The following TNR variants were observed in gnomAD, a reference collection of about 807,000 sequenced individuals.
TNR encodes tenascin-R.
Under a neutral mutation model 150.4 loss-of-function variants are expected in TNR, and 45 were observed. The observed-to-expected ratio is 0.30, with a 90% CI of 0.24 to 0.38. TNR has a LOEUF of 0.38. TNR is among the 10% of genes least tolerant of loss of function. The probability of loss-of-function intolerance (pLI) is 1.00; values close to 1 mark genes in which losing one functional copy is unlikely to be tolerated. For synonymous variants in TNR, 687 were observed against 678.4 expected (o/e 1.01, Z -0.20); for missense variants, 1,544 against 1,759.1 (o/e 0.88, Z 2.19).
intron 1 of TNR, among the ~76,000 whole-genome samples, chr1:175,728,482 C>T (rs531402330): frequency 6.6e-6 from 1 of 152,300 alleles, no homozygotes; most frequent in African/African-American, 2.4e-5. Flanking sequence ...GAGATGGTTT[C>T]CTAGCAGGCA....
intron 2 of TNR, among the ~76,000 whole-genome samples, chr1:175,442,083 G>C (rs889278012): frequency 6.6e-6 from 1 of 152,186 alleles, no homozygotes; most frequent in Non-Finnish European, 1.5e-5. Context: ...CTGCAGAGGG[G>C]CTCCCTGTTT....
At chr1:175,450,082 C>G (rs1014789324) in intron 2 of TNR, among the ~76,000 whole-genome samples, 1 of 152,206 alleles carries the variant, frequency 6.6e-6, no homozygotes, top group South Asian at 2.1e-4. Flanking sequence ...GCCTGCCACT[C>G]AAACTACTCT....
intron 2 of TNR, among the ~76,000 whole-genome samples, chr1:175,481,967 G>T (rs528535936): frequency 3.5e-4 from 54 of 152,284 alleles, no homozygotes; most frequent in Non-Finnish European, 5.4e-4. Context: ...TGCCTCTTCT[G>T]TGAAGCCCAC....
At chr1:175,697,730 C>G (rs1666574229) in intron 1 of TNR, among the ~76,000 whole-genome samples, 1 of 152,230 alleles carries the variant, frequency 6.6e-6, no homozygotes, top group African/African-American at 2.4e-5. Flanking sequence ...TGGGAGGGCA[C>G]AGGGGGACTT....
intron 1 of TNR, among the ~76,000 whole-genome samples, chr1:175,709,792 C>T (rs891789145): frequency 6.6e-6 from 1 of 152,002 alleles, no homozygotes; most frequent in Admixed American, 6.6e-5. Context: ...GAGCACCCTA[C>T]TGCTTCATTC....
chr1:175,374,338 C>T (rs1245624746), intron 9 of TNR, among the ~76,000 whole-genome samples: 1 of 152,140 alleles, frequency 6.6e-6, no homozygotes, highest in Non-Finnish European at 1.5e-5. Flanking sequence ...ATGATCAGGA[C>T]GTACTTGCAG....
At chr1:175,421,370 T>C (rs1175275070) in intron 2 of TNR, among the ~76,000 whole-genome samples, 2 of 152,208 alleles carry the variant, frequency 1.3e-5, no homozygotes, top group Admixed American at 1.3e-4. Context: ...TCAAACAGGA[T>C]TGCTGCAGGG....
chr1:175,437,271 A>G (rs1426265858), intron 2 of TNR, among the ~76,000 whole-genome samples: 1 of 152,252 alleles, frequency 6.6e-6, no homozygotes, highest in Non-Finnish European at 1.5e-5. Flanking sequence ...CTGCTCCTGA[A>G]TGACTACTGG....
chr1:175,700,021 G>C (rs1034665474), intron 1 of TNR, among the ~76,000 whole-genome samples: 30 of 151,954 alleles, frequency 2.0e-4, no homozygotes, highest in African/African-American at 7.0e-4. Context: ...ATCTATGTGA[G>C]AGGGAATGGG....
chr1:175,407,658 G>T (rs529675771), intron 2 of TNR, among the ~76,000 whole-genome samples: 3 of 152,322 alleles, frequency 2.0e-5, no homozygotes, highest in Admixed American at 2.0e-4. Flanking sequence ...AAGTGAGTGT[G>T]ACTATTCGTC....
intron 18 of TNR, among the ~76,000 whole-genome samples, chr1:175,342,102 T>C (rs1650550362): frequency 6.6e-6 from 1 of 152,158 alleles, no homozygotes; most frequent in African/African-American, 2.4e-5. Flanking sequence ...AAGATGGGAA[T>C]ATAAAGAAGG....
intron 1 of TNR, among the ~76,000 whole-genome samples, chr1:175,591,765 A>G (rs1404832106): frequency 6.6e-6 from 1 of 152,208 alleles, no homozygotes; most frequent in Admixed American, 6.5e-5. Context: ...AACTGGGTTC[A>G]TGGTAGAATT....
intron 2 of TNR, among the ~76,000 whole-genome samples, chr1:175,496,470 A>G (rs544197873): frequency 1.3e-5 from 2 of 152,332 alleles, no homozygotes; most frequent in African/African-American, 4.8e-5. Context: ...TGCCATATGC[A>G]GAAGCATCTC....
chr1:175,558,272 T>TAA (rs367651145), intron 1 of TNR, among the ~76,000 whole-genome samples: 155 of 148,808 alleles, frequency 1.0e-3, no homozygotes, highest in Admixed American at 2.3e-3. Context: ...TAAAGTATAA[T>TAA]AATAAAAAAA....
Position 175,402,888 on chromosome 1 carries a change from T to A in TNR, c.976+252A>T, listed in dbSNP as rs548460891. On this transcript the variant is annotated intron_variant, in intron 4 of 22. Coordinates refer to ENST00000367674, the MANE Select transcript of TNR (RefSeq NM_003285.3). ...ATTGTTACCACTACCTTTTTCCTAGTCTCAGGGGTAACAATCCAGCTCTCA... is the reference window on the plus strand; with the variant it reads ...ATTGTTACCACTACCTTTTTCCTAGACTCAGGGGTAACAATCCAGCTCTCA... Among the ~76,000 whole-genome samples, 7 of 152,292 alleles carry A rather than the reference T, an allele frequency of 4.6e-5. No individual in the cohort carries two copies. The South Asian group carries it at 1.4e-3, about 32-fold the overall frequency.
intron 2 of TNR, among the ~76,000 whole-genome samples, chr1:175,475,141 T>C (rs1022584567): frequency 6.6e-6 from 1 of 152,160 alleles, no homozygotes; most frequent in African/African-American, 2.4e-5. Flanking sequence ...ACCACCACCA[T>C]GTCCCCTGAC....
In TNR at chr1:175,660,270, CT is replaced by C. The variant is rs961498115; in HGVS notation, c.-165+82955del. On this transcript the variant is annotated intron_variant, in intron 1 of 22. Coordinates refer to ENST00000367674, the MANE Select transcript of TNR (RefSeq NM_003285.3). The stretch of plus-strand genomic sequence containing the variant: ...GCACAGAGCAGAAACAAATCAATGA[CT>C]CTACCATTTTGTCTTGAGCTACTTA... Among the ~76,000 whole-genome samples, 56 of 152,318 alleles carry C rather than the reference CT, an allele frequency of 3.7e-4. 1 individual carries two copies. Among genetic ancestry groups the C allele is most frequent in the East Asian group, 3.9e-4 (2 of 5,182 alleles).
chr1:175,520,507 C>A (rs932830181), intron 2 of TNR, among the ~76,000 whole-genome samples: 1 of 152,204 alleles, frequency 6.6e-6, no homozygotes, highest in African/African-American at 2.4e-5. Context: ...TCACAAATAG[C>A]CCTGCTCTGT....
intron 1 of TNR, among the ~76,000 whole-genome samples, chr1:175,582,531 T>G (rs1662391880): frequency 6.6e-6 from 1 of 152,050 alleles, no homozygotes; most frequent in African/African-American, 2.4e-5. Flanking sequence ...CAAGTTTCAG[T>G]GGTAAGTATT....
Sources: gnomAD v4.1 joint callset for allele counts (sites outside exome capture counted in the v4.1 genomes callset) on GRCh38, gnomAD v4.1.1 for gene constraint, MANE v1.5 for transcripts, NCBI Gene and HGNC (gene_info 2026-07-23, HGNC 2026-07-21) for gene names.